The following MAPK14 variants were observed in gnomAD, a reference collection of about 807,000 sequenced individuals.
MAPK14 encodes the protein mitogen-activated protein kinase 14, also known as CSAID-binding protein.
A neutral mutation model predicts 49.6 loss-of-function variants in MAPK14; 16 were observed. The ratio of observed to expected loss-of-function variants is 0.32; its 90% CI spans 0.22 to 0.49. MAPK14 has a LOEUF of 0.49. Ranked by LOEUF, MAPK14 falls within the 20% of genes least tolerant of loss-of-function variation. The probability of loss-of-function intolerance (pLI) is 0.99; values close to 1 mark genes in which losing one functional copy is unlikely to be tolerated. For missense variants in MAPK14, 200 were observed against 441.2 expected, an observed-to-expected ratio of 0.45 and a Z score of 4.90; for synonymous variants, 142 against 158.0, an observed-to-expected ratio of 0.90 and a Z score of 0.76.
At chr6:36,106,790 A>G (rs1416453135) in intron 10 of MAPK14, among the ~76,000 whole-genome samples, 1 of 152,122 alleles carries the variant, frequency 6.6e-6, no homozygotes, top group Non-Finnish European at 1.5e-5. Context: ...TAAAAATAAA[A>G]TTCCCTTTGA....
intron 8 of MAPK14, chr6:36,092,159 C>A: frequency 1.9e-6 from 1 of 526,538 alleles, no homozygotes; most frequent in Non-Finnish European, 3.8e-6. Context: ...AATTCTCCAT[C>A]CCCTGGCTTT....
At chr6:36,031,437 A>T (rs1218935277) in intron 1 of MAPK14, among the ~76,000 whole-genome samples, 1 of 152,118 alleles carries the variant, frequency 6.6e-6, no homozygotes, top group Non-Finnish European at 1.5e-5. Context: ...ACAGAGTCTC[A>T]TTCTGTTGTC....
intron 2 of MAPK14, among the ~76,000 whole-genome samples, chr6:36,059,001 T>C (rs1214322583): frequency 6.6e-6 from 1 of 151,994 alleles, no homozygotes; most frequent in Non-Finnish European, 1.5e-5. Context: ...TCAGTTCTCC[T>C]GCCTCAGCCT....
chr6:36,104,553 A>G (rs1293892870), intron 10 of MAPK14, among the ~76,000 whole-genome samples: 2 of 151,940 alleles, frequency 1.3e-5, no homozygotes, highest in African/African-American at 2.4e-5. Flanking sequence ...ACACCTGGCT[A>G]ATTTTTTGTA....
intron 2 of MAPK14, among the ~76,000 whole-genome samples, 189 bp from the exon 3 acceptor site, chr6:36,059,100 G>T (rs546127511): frequency 5.7e-4 from 87 of 152,194 alleles, no homozygotes; most frequent in East Asian, 9.7e-4. Context: ...ATGTTGGCCA[G>T]GCTGGTCTCG....
At chr6:36,088,670 C>T (rs996894816) in intron 8 of MAPK14, among the ~76,000 whole-genome samples, 2 of 149,322 alleles carry the variant, frequency 1.3e-5, no homozygotes, top group East Asian at 2.0e-4. Flanking sequence ...GGCAGTGAGC[C>T]GAGATCACAC....
intron 8 of MAPK14, chr6:36,092,281 G>C (rs533444016): frequency 3.4e-6 from 2 of 584,724 alleles, no homozygotes; most frequent in Non-Finnish European, 6.7e-6. Context: ...ACATTCAGCA[G>C]CGTCCCCTTT....
intron 8 of MAPK14, among the ~76,000 whole-genome samples, chr6:36,086,608 G>A (rs947315721): frequency 6.6e-6 from 1 of 151,862 alleles, no homozygotes; most frequent in Non-Finnish European, 1.5e-5. Context: ...CCAGGAAAAC[G>A]TTGAATCTAC....
intron 10 of MAPK14, among the ~76,000 whole-genome samples, chr6:36,104,114 GT>G (rs1765727159): frequency 6.6e-6 from 1 of 152,174 alleles, no homozygotes; most frequent in Non-Finnish European, 1.5e-5. Flanking sequence ...GCTCTTTGAA[GT>G]TTTGGGCAGT....
chr6:36,029,026 G>C (rs982573629), intron 1 of MAPK14: 1 of 151,778 alleles, frequency 6.6e-6, no homozygotes, highest in East Asian at 1.9e-4. Context: ...TGAGAAACTG[G>C]CAGGCTCACT....
chr6:36,047,734 T>G (rs1192537632), intron 1 of MAPK14, among the ~76,000 whole-genome samples: 1 of 143,112 alleles, frequency 7.0e-6, no homozygotes, highest in Non-Finnish European at 1.5e-5. Flanking sequence ...CATGCCTGAC[T>G]AATTTTTTTT....
the MAPK14 span, among the ~76,000 whole-genome samples, chr6:36,120,750 T>C: frequency 6.6e-6 from 1 of 152,226 alleles, no homozygotes; most frequent in Non-Finnish European, 1.5e-5. Flanking sequence ...GTGTTGTCAC[T>C]GTTTCCTGTT....
chr6:36,070,512 A>G (rs1283782345), intron 3 of MAPK14, among the ~76,000 whole-genome samples: 2 of 152,242 alleles, frequency 1.3e-5, no homozygotes, highest in Non-Finnish European at 2.9e-5. Context: ...TGGACACAGA[A>G]TAAGTGCTAG....
At chr6:36,101,461 A>G (rs1394602724) in intron 9 of MAPK14, among the ~76,000 whole-genome samples, 1 of 151,654 alleles carries the variant, frequency 6.6e-6, no homozygotes, top group Non-Finnish European at 1.5e-5. Flanking sequence ...TTAATAAATA[A>G]AGAAGGTGAA....
chr6:36,104,376 ATGT>A (rs1027820851), intron 10 of MAPK14, among the ~76,000 whole-genome samples: 4 of 151,760 alleles, frequency 2.6e-5, no homozygotes, highest in African/African-American at 7.3e-5. Context: ...TTGGGAAAAG[ATGT>A]TGTGTTCTTT....
At chr6:36,084,414 C>T (rs1182850254) in intron 8 of MAPK14, among the ~76,000 whole-genome samples, 11 of 152,284 alleles carry the variant, frequency 7.2e-5, no homozygotes, top group South Asian at 6.2e-4. Context: ...GCTAAAGGAG[C>T]ATGTTCTAAC....
chr6:36,090,372 GGAATGC>G (rs1765171929), intron 8 of MAPK14, among the ~76,000 whole-genome samples: 1 of 151,540 alleles, frequency 6.6e-6, no homozygotes, highest in South Asian at 2.1e-4. Flanking sequence ...TGCCTAGGCT[GGAATGC>G]AGTGGCGCAA....
chr6:36,120,986 G>T, the MAPK14 span, among the ~76,000 whole-genome samples: 1 of 152,126 alleles, frequency 6.6e-6, no homozygotes, highest in East Asian at 1.9e-4. Context: ...AAGTCTAAGG[G>T]TGCTGGTGAG....
the MAPK14 span, among the ~76,000 whole-genome samples, chr6:36,116,764 T>G: frequency 1.3e-5 from 2 of 152,176 alleles, no homozygotes; most frequent in Non-Finnish European, 1.5e-5. Context: ...TCTTCCTTCC[T>G]TCCTTCACCT....
Sources: gnomAD v4.1 joint callset for allele counts (sites outside exome capture counted in the v4.1 genomes callset) on GRCh38, gnomAD v4.1.1 for gene constraint, MANE v1.5 for transcripts, NCBI Gene and HGNC (gene_info 2026-07-23, HGNC 2026-07-21) for gene names.